Variants in EML6 observed in about 807,000 individuals in gnomAD.
EML6 encodes the protein EMAP like 6.
EML6 carries 154 observed loss-of-function variants against 240.1 expected under a neutral mutation model. That is an observed-to-expected ratio of 0.64 (90% CI 0.56 to 0.73). The LOEUF (loss-of-function observed/expected upper bound fraction) is 0.73. Ranked by LOEUF, EML6 falls within the 30% of genes least tolerant of loss-of-function variation. The probability of loss-of-function intolerance (pLI) is 0.00; values close to 1 mark genes in which losing one functional copy is unlikely to be tolerated. For synonymous variants in EML6, 1,148 were observed against 899.0 expected (o/e 1.28, Z -4.95); for missense variants, 2,964 against 2,474.6 (o/e 1.20, Z -4.20).
intron 28 of EML6, among the ~76,000 whole-genome samples, chr2:54,931,991 T>C (rs1007496027): frequency 1.3e-5 from 2 of 152,252 alleles, no homozygotes; most frequent in African/African-American, 4.8e-5. Context: ...TTGTTTCTAA[T>C]TAGACTCAGT....
intron 32 of EML6, among the ~76,000 whole-genome samples, chr2:54,955,833 A>G (rs1177045776): frequency 6.6e-6 from 1 of 151,882 alleles, no homozygotes; most frequent in East Asian, 1.9e-4. Context: ...GCTAGCCACC[A>G]CCTCTTCCGG....
chr2:54,968,858 G>C, intron 41 of EML6, 90 bp downstream of exon 41: 1 of 692,194 alleles, frequency 1.4e-6, no homozygotes, highest in Non-Finnish European at 2.6e-6. Flanking sequence ...GCCTCTCCCA[G>C]GGGCATGAGG....
intron 5 of EML6, among the ~76,000 whole-genome samples, chr2:54,823,900 C>G (rs1424402800): frequency 1.4e-5 from 2 of 147,552 alleles, no homozygotes; most frequent in African/African-American, 5.1e-5. Context: ...CTCTCTCTCT[C>G]AGAGAGAGAT....
intron 34 of EML6, among the ~76,000 whole-genome samples, chr2:54,959,678 C>T (rs1226263490): frequency 6.6e-6 from 1 of 152,152 alleles, no homozygotes; most frequent in Admixed American, 6.5e-5. Context: ...AGGAGAATGG[C>T]TGGAACCCAG....
At chr2:54,943,077 T>G (rs1675510451) in intron 28 of EML6, among the ~76,000 whole-genome samples, 1 of 152,180 alleles carries the variant, frequency 6.6e-6, no homozygotes, top group Non-Finnish European at 1.5e-5. Context: ...ATCCTTTCCT[T>G]TGGTTGGTTT....
At chr2:54,886,027 T>A (rs1037376146) in intron 17 of EML6, among the ~76,000 whole-genome samples, 1 of 152,244 alleles carries the variant, frequency 6.6e-6, no homozygotes, top group Non-Finnish European at 1.5e-5. Flanking sequence ...TTCTTTTTAT[T>A]GTGGAAAATT....
chr2:54,820,174 G>A (rs892716107), intron 4 of EML6, among the ~76,000 whole-genome samples: 2 of 152,114 alleles, frequency 1.3e-5, no homozygotes, highest in African/African-American at 4.8e-5. Context: ...AATAATTATG[G>A]TAAGTTCTCT....
chr2:54,919,706 G>T (rs1002246471), intron 26 of EML6, among the ~76,000 whole-genome samples: 4 of 152,196 alleles, frequency 2.6e-5, no homozygotes, highest in Non-Finnish European at 5.9e-5. Context: ...AGGTTTTGGA[G>T]CAGCTATTTA....
chr2:54,727,964 C>T (rs1178933574), intron 2 of EML6, among the ~76,000 whole-genome samples: 1 of 152,142 alleles, frequency 6.6e-6, no homozygotes, highest in Non-Finnish European at 1.5e-5. Context: ...CATATGTGTC[C>T]TTCTGCTTTG....
intron 2 of EML6, among the ~76,000 whole-genome samples, chr2:54,777,525 A>G (rs1668653124): frequency 6.6e-6 from 1 of 152,190 alleles, no homozygotes; most frequent in Non-Finnish European, 1.5e-5. Context: ...TTAACAAAAC[A>G]AGACACTGGT....
chr2:54,849,813 A>T (rs1180068358), intron 9 of EML6, 149 bp from the exon 10 acceptor site: 1 of 694,166 alleles, frequency 1.4e-6, no homozygotes. Flanking sequence ...AAATAATAAC[A>T]TTTTATATAT....
chr2:54,793,888 T>A (rs1405858472), intron 2 of EML6, among the ~76,000 whole-genome samples: 4 of 152,116 alleles, frequency 2.6e-5, no homozygotes, highest in African/African-American at 9.7e-5. Flanking sequence ...CCCTAGCCCC[T>A]CAATAGCCTA....
chr2:54,886,160 C>CTTTTTTT (rs869107962), intron 17 of EML6, among the ~76,000 whole-genome samples: 14 of 82,216 alleles, frequency 1.7e-4, no homozygotes, highest in Admixed American at 3.4e-4. Flanking sequence ...TTTTAACCTT[C>CTTTTTTT]TTTTTTTTTT....
rs140169989 is a variant in EML6, at chr2:54,892,023, T to A, written c.2540-431T>A. ...ATTTTACATTTACAGTCAGTACTATTTTTATCGTTTTTGGTCAGCATTCAT... is the reference window on the plus strand; with the variant it reads ...ATTTTACATTTACAGTCAGTACTATATTTATCGTTTTTGGTCAGCATTCAT... On this transcript the variant is annotated intron_variant, in intron 18 of 41. Coordinates refer to ENST00000356458, the MANE Select transcript of EML6 (RefSeq NM_001039753.4). 9.8e-4 allele frequency among the ~76,000 whole-genome samples: 149 copies of A among 152,166 alleles called. 2 individuals carry two copies. Among genetic ancestry groups the A allele is most frequent in the East Asian group, 4.6e-3 (24 of 5,170 alleles).
At chr2:54,922,906 G>T (rs182414554) in intron 26 of EML6, among the ~76,000 whole-genome samples, 1 of 151,086 alleles carries the variant, frequency 6.6e-6, no homozygotes, top group Non-Finnish European at 1.5e-5. Context: ...GGGTGGAAAT[G>T]GGGAGATGTT....
intron 5 of EML6, among the ~76,000 whole-genome samples, chr2:54,821,375 G>A (rs1042625348): frequency 6.6e-6 from 1 of 152,080 alleles, no homozygotes; most frequent in Non-Finnish European, 1.5e-5. Context: ...ACAAAACTCT[G>A]CAGAAGAATG....
At chr2:54,885,874 G>A (rs572161788) in intron 17 of EML6, among the ~76,000 whole-genome samples, 3 of 152,238 alleles carry the variant, frequency 2.0e-5, no homozygotes, top group Admixed American at 6.5e-5. Flanking sequence ...GCCTCCCAAA[G>A]TGCTGAGATT....
At chr2:54,806,338 C>T (rs147616792) in intron 2 of EML6, among the ~76,000 whole-genome samples, 11 of 152,100 alleles carry the variant, frequency 7.2e-5, no homozygotes, top group East Asian at 3.9e-4. Flanking sequence ...CCTGGCCGGG[C>T]GCGGTGGCTC....
At chr2:54,863,740 T>A (rs1405188284) in intron 12 of EML6, 43 bp from the exon 13 acceptor site, 5 of 981,788 alleles carry the variant, frequency 5.1e-6, no homozygotes, top group African/African-American at 1.6e-5. Context: ...TTGCTCAGAG[T>A]CTCAGAATTT....
Sources: gnomAD v4.1 joint callset for allele counts (sites outside exome capture counted in the v4.1 genomes callset) on GRCh38, gnomAD v4.1.1 for gene constraint, MANE v1.5 for transcripts, NCBI Gene and HGNC (gene_info 2026-07-23, HGNC 2026-07-21) for gene names.